Variants in WDFY1 observed in about 807,000 individuals in gnomAD.
The protein encoded by WDFY1 is WD repeat and FYVE domain-containing protein 1.
In WDFY1, 32 loss-of-function variants were observed where a neutral mutation model predicts 56.4. That is an observed-to-expected ratio of 0.57 (90% CI 0.43 to 0.76). WDFY1 has a LOEUF of 0.76. Among genes scored for constraint, WDFY1 ranks in the 30% least tolerant of loss-of-function variants. WDFY1 has a pLI of 0.00. For missense variants in WDFY1, 480 were observed against 545.7 expected (o/e 0.88, Z 1.20); for synonymous variants, 192 against 197.3 (o/e 0.97, Z 0.23).
intron 1 of WDFY1, among the ~76,000 whole-genome samples, chr2:223,930,963 C>T (rs1282724054): frequency 2.6e-5 from 4 of 152,234 alleles, no homozygotes; most frequent in Non-Finnish European, 5.9e-5. Flanking sequence ...CCTGTAGGCT[C>T]ATGAACAATG....
intron 4 of WDFY1, among the ~76,000 whole-genome samples, chr2:223,904,306 C>A (rs933105031): frequency 6.6e-6 from 1 of 152,214 alleles, no homozygotes; most frequent in Non-Finnish European, 1.5e-5. Context: ...GGCAGGAGTG[C>A]AGTGGTGCGA....
At chr2:223,900,259 G>A (rs928713113) in intron 5 of WDFY1, among the ~76,000 whole-genome samples, 19 of 152,114 alleles carry the variant, frequency 1.2e-4, no homozygotes, top group African/African-American at 4.6e-4. Flanking sequence ...TAACAAAAAC[G>A]CTTATGTAGC....
chr2:223,932,346 T>G (rs1694092698), intron 1 of WDFY1, among the ~76,000 whole-genome samples: 1 of 151,692 alleles, frequency 6.6e-6, no homozygotes, highest in Non-Finnish European at 1.5e-5. Context: ...ATGGTCTCGA[T>G]CTCCTGACAT....
intron 2 of WDFY1, among the ~76,000 whole-genome samples, chr2:223,917,320 G>A (rs1244277593): frequency 6.6e-6 from 1 of 152,034 alleles, no homozygotes; most frequent in Non-Finnish European, 1.5e-5. Flanking sequence ...GTTGATATCG[G>A]CTACCATAAA....
At chr2:223,933,311 C>T (rs888433246) in intron 1 of WDFY1, among the ~76,000 whole-genome samples, 2 of 150,924 alleles carry the variant, frequency 1.3e-5, no homozygotes, top group Non-Finnish European at 2.9e-5. Context: ...ACAAATATCA[C>T]CCTTCCAGAA....
chr2:223,918,093 T>G, intron 1 of WDFY1, 83 bp from the exon 2 acceptor site: 5 of 1,453,058 alleles, frequency 3.4e-6, no homozygotes, highest in Non-Finnish European at 4.7e-6. Flanking sequence ...TTTTTAAAAT[T>G]TGTTTAACAC....
intron 3 of WDFY1, among the ~76,000 whole-genome samples, chr2:223,910,850 T>G (rs548224247): frequency 1.3e-5 from 2 of 152,216 alleles, no homozygotes; most frequent in East Asian, 3.9e-4. Context: ...TGGAAAACAG[T>G]TTCATAGTTG....
intron 2 of WDFY1, among the ~76,000 whole-genome samples, chr2:223,913,669 G>A (rs1401941908): frequency 6.6e-6 from 1 of 151,944 alleles, no homozygotes; most frequent in Non-Finnish European, 1.5e-5. Flanking sequence ...ATTTTTGCTT[G>A]CTTTCTAGCT....
chr2:223,900,566 G>A (rs558335887), intron 5 of WDFY1, among the ~76,000 whole-genome samples: 7 of 152,138 alleles, frequency 4.6e-5, no homozygotes, highest in African/African-American at 1.4e-4. Context: ...TTTTTAGGCC[G>A]TGATTTTTAG....
At chr2:223,936,411 A>G (rs1391589928) in intron 1 of WDFY1, among the ~76,000 whole-genome samples, 2 of 152,200 alleles carry the variant, frequency 1.3e-5, no homozygotes, top group African/African-American at 2.4e-5. Context: ...ATGAAAGGTC[A>G]TGAGCAGGAA....
chr2:223,878,788 G>T, intron 11 of WDFY1, 58 bp from the exon 12 acceptor site: 2 of 1,596,584 alleles, frequency 1.3e-6, no homozygotes, highest in Non-Finnish European at 1.7e-6. Flanking sequence ...CTAACGGCAA[G>T]AGTCAACACA....
intron 1 of WDFY1, among the ~76,000 whole-genome samples, chr2:223,938,449 C>T (rs1689240247): frequency 6.6e-6 from 1 of 152,202 alleles, no homozygotes; most frequent in African/African-American, 2.4e-5. Context: ...AAAGCAGAGT[C>T]TTATTTTCTG....
intron 1 of WDFY1, among the ~76,000 whole-genome samples, chr2:223,923,715 C>A (rs572194054): frequency 1.3e-5 from 2 of 151,928 alleles, no homozygotes; most frequent in Non-Finnish European, 2.9e-5. Flanking sequence ...GAGCCGAGAT[C>A]GCGCCACTGC....
At chr2:223,940,986 C>T (rs1304746109) in intron 1 of WDFY1, among the ~76,000 whole-genome samples, 2 of 152,178 alleles carry the variant, frequency 1.3e-5, no homozygotes, top group African/African-American at 2.4e-5. Flanking sequence ...CCACGCCCAG[C>T]TAATTTTGTA....
At chr2:223,905,820 T>C (rs1172433421) in intron 4 of WDFY1, 127 bp downstream of exon 4, 7 of 603,792 alleles carry the variant, frequency 1.2e-5, no homozygotes, top group Non-Finnish European at 1.0e-5. Context: ...GACAAGTCTC[T>C]TGCATAGTGG....
Position 223,879,021 on chromosome 2 carries a change from C to CA in WDFY1, c.1174-292dup, listed in dbSNP as rs967140894. Among the ~76,000 whole-genome samples the CA allele has an allele frequency of 2.0e-4, 31 of 151,536 alleles. No homozygotes were observed. In the South Asian group the frequency reaches 5.8e-3, roughly 29 times the overall value. ...CAACGTGGCAAAACCTTGTCTCTAC[C>CA]AAAAAAAATACAGAAATTAGCCTGG... is the stretch of plus-strand genomic sequence containing the variant. On this transcript the variant is annotated intron_variant, in intron 11 of 11. Transcript: ENST00000233055.
At chr2:223,894,565 C>T in intron 7 of WDFY1, 1 of 510,172 alleles carries the variant, frequency 2.0e-6, no homozygotes, top group Non-Finnish European at 3.5e-6. Context: ...TCAAATCGGT[C>T]ATTAAGAATT....
At position 223,894,307 on chromosome 2, in the gene WDFY1, A is replaced by G. The variant is rs199923820; in HGVS notation, c.758T>C (p.Leu253Pro). ...GGAACAGGAGACGAGCTGCCTGGTGAGCTGAAGGTAGCACAGCGACTGCAC... is the reference window on the plus strand; with the variant it reads ...GGAACAGGAGACGAGCTGCCTGGTGGGCTGAAGGTAGCACAGCGACTGCAC... ...DKVQSLCYLQLTRQLVSCSSD... is the reference protein window; with the variant it reads ...DKVQSLCYLQPTRQLVSCSSD... The change falls in exon 8 of 12, where the codon CTC (leucine) becomes CCC (proline). Residue 253 changes from leucine to proline, a missense_variant. Leu to Pro is a moderately conservative substitution (Grantham distance 98). Transcript: ENST00000233055. The G allele has an allele frequency of 5.0e-6, 8 of 1,614,218 alleles. No homozygotes were observed. The highest frequency in any genetic ancestry group is 2.2e-5 in the South Asian group (2 of 91,090).
Position 223,895,487 on chromosome 2 carries a change from C to G in WDFY1, c.725+17G>C. 4 of 1,613,752 alleles carry G rather than the reference C, an allele frequency of 2.5e-6. No homozygotes were observed. Among genetic ancestry groups the G allele is most frequent in the Admixed American group, 1.7e-5 (1 of 59,984 alleles). ...CTAACTCGGATTCTTTCCCCACCCC[C>G]ACAAGTGGTCACGCACTGATGGCCC... On this transcript the variant is annotated intron_variant, in intron 7 of 11. Coordinates refer to ENST00000233055, the MANE Select transcript of WDFY1 (RefSeq NM_020830.5).
Sources: gnomAD v4.1 joint callset for allele counts (sites outside exome capture counted in the v4.1 genomes callset) on GRCh38, gnomAD v4.1.1 for gene constraint, MANE v1.5 for transcripts, NCBI Gene and HGNC (gene_info 2026-07-23, HGNC 2026-07-21) for gene names.